The following PPP2R2B variants were observed in gnomAD, a reference collection of about 807,000 sequenced individuals.
PPP2R2B encodes protein phosphatase 2 regulatory subunit Bbeta.
PPP2R2B carries 5 observed loss-of-function variants against 46.0 expected under a neutral mutation model. The observed-to-expected ratio is 0.11, with a 90% CI of 0.06 to 0.23. The LOEUF (loss-of-function observed/expected upper bound fraction) is 0.23, where lower values mean the gene tolerates loss of function less well. Ranked by LOEUF, PPP2R2B falls within the 10% of genes least tolerant of loss-of-function variation. PPP2R2B has a pLI of 1.00. For missense variants in PPP2R2B, 367 were observed against 575.0 expected (o/e 0.64, Z 3.70); for synonymous variants, 215 against 206.7 (o/e 1.04, Z -0.34).
At chr5:146,859,634 A>T (rs545489829) in intron 2 of PPP2R2B, among the ~76,000 whole-genome samples, 2 of 152,352 alleles carry the variant, frequency 1.3e-5, no homozygotes, top group South Asian at 4.1e-4. Flanking sequence ...GAGGGAGTCA[A>T]GAGCCAGTAA....
intron 2 of PPP2R2B, among the ~76,000 whole-genome samples, chr5:147,069,785 G>GCTTTTTT (rs1757521827): frequency 1.5e-5 from 1 of 64,786 alleles, no homozygotes; most frequent in South Asian, 7.1e-4. Context: ...ATTTTATACT[G>GCTTTTTT]TTTTTTTTTT....
At chr5:146,606,615 C>T (rs1429837010) in intron 7 of PPP2R2B, among the ~76,000 whole-genome samples, 4 of 152,176 alleles carry the variant, frequency 2.6e-5, no homozygotes, top group Admixed American at 6.5e-5. Context: ...CAGAAGTAGG[C>T]ATTGCTTAAG....
At chr5:146,613,727 T>C (rs1363462102) in intron 7 of PPP2R2B, among the ~76,000 whole-genome samples, 4 of 135,192 alleles carry the variant, frequency 3.0e-5, no homozygotes, top group Non-Finnish European at 1.5e-5. Flanking sequence ...GAGAGCCAAA[T>C]CATGAGTGAA....
chr5:146,660,493 A>T (rs887738705), intron 5 of PPP2R2B, among the ~76,000 whole-genome samples: 3 of 152,090 alleles, frequency 2.0e-5, no homozygotes, highest in Non-Finnish European at 4.4e-5. Flanking sequence ...TCTTCCATGG[A>T]TCAATGGTGG....
intron 7 of PPP2R2B, among the ~76,000 whole-genome samples, chr5:146,634,214 T>C (rs2151073712): frequency 1.3e-5 from 2 of 152,314 alleles, no homozygotes; most frequent in South Asian, 2.1e-4. Context: ...CTGACCCTCC[T>C]GCAAGGGAAA....
intron 1 of PPP2R2B, among the ~76,000 whole-genome samples, chr5:147,016,799 G>C (rs571438969): frequency 6.6e-6 from 1 of 151,750 alleles, no homozygotes; most frequent in East Asian, 2.1e-4. Flanking sequence ...AAGGCAAGAA[G>C]ACTTGAAATC....
intron 2 of PPP2R2B, among the ~76,000 whole-genome samples, chr5:146,714,547 G>A (rs1780386231): frequency 6.6e-6 from 1 of 152,090 alleles, no homozygotes; most frequent in Non-Finnish European, 1.5e-5. Context: ...TGGAATTGCT[G>A]AATGAATAAA....
intron 2 of PPP2R2B, among the ~76,000 whole-genome samples, chr5:146,831,089 A>C (rs1210889235): frequency 1.3e-5 from 2 of 152,132 alleles, no homozygotes; most frequent in Non-Finnish European, 2.9e-5. Flanking sequence ...ACAGTATGTG[A>C]TACTCAATCA....
chr5:147,062,850 A>G (rs1026052169), intron 2 of PPP2R2B, among the ~76,000 whole-genome samples: 10 of 151,582 alleles, frequency 6.6e-5, no homozygotes, highest in Non-Finnish European at 1.3e-4. Flanking sequence ...CCACACACCT[A>G]CCTATCAATG....
At chr5:146,990,269 C>T (rs1411996798) in intron 1 of PPP2R2B, among the ~76,000 whole-genome samples, 1 of 151,800 alleles carries the variant, frequency 6.6e-6, no homozygotes, top group African/African-American at 2.4e-5. Flanking sequence ...CCCTGAATTA[C>T]CAAATAAATT....
intron 2 of PPP2R2B, among the ~76,000 whole-genome samples, chr5:146,837,374 A>G (rs1186284802): frequency 6.6e-6 from 1 of 152,232 alleles, no homozygotes; most frequent in African/African-American, 2.4e-5. Flanking sequence ...TTTTGACTTA[A>G]GATATTTTCA....
At chr5:146,627,527 G>A (rs567742986) in intron 7 of PPP2R2B, among the ~76,000 whole-genome samples, 1 of 152,250 alleles carries the variant, frequency 6.6e-6, no homozygotes, top group African/African-American at 2.4e-5. Context: ...GTCAGGCTGG[G>A]GAATCCAGCC....
intron 1 of PPP2R2B, among the ~76,000 whole-genome samples, chr5:146,975,305 A>T (rs1169900562): frequency 6.6e-6 from 1 of 152,150 alleles, no homozygotes; most frequent in African/African-American, 2.4e-5. Context: ...TATTTTCAAG[A>T]TCCATCCATG....
chr5:146,803,084 A>T (rs145226940), intron 2 of PPP2R2B, among the ~76,000 whole-genome samples: 1 of 152,204 alleles, frequency 6.6e-6, no homozygotes, highest in Admixed American at 6.5e-5. Flanking sequence ...TATGCTCCAA[A>T]TGCTACTTCT....
chr5:146,938,751 C>CT (rs33961672), intron 1 of PPP2R2B, among the ~76,000 whole-genome samples: 2,610 of 65,992 alleles, frequency 0.04, 759 homozygotes, highest in Non-Finnish European at 0.051. Context: ...AGATAATAGC[C>CT]TTTTTTTTTT....
intron 5 of PPP2R2B, among the ~76,000 whole-genome samples, chr5:146,670,494 T>C (rs1398264530): frequency 6.6e-6 from 1 of 150,856 alleles, no homozygotes; most frequent in Non-Finnish European, 1.5e-5. Context: ...TTTATTTATT[T>C]ATTTATTTAT....
intron 2 of PPP2R2B, chr5:146,856,487 T>C: frequency 6.4e-7 from 1 of 1,553,376 alleles, no homozygotes. Flanking sequence ...GTATAAATAA[T>C]AATACGAATA....
At chr5:146,621,153 A>G (rs58178462) in intron 7 of PPP2R2B, among the ~76,000 whole-genome samples, 1,956 of 152,302 alleles carry the variant, frequency 0.013, 47 homozygotes, top group African/African-American at 0.044. Flanking sequence ...CTGTCTTCTC[A>G]TGGATCAGGC....
upstream of PPP2R2B, among the ~76,000 whole-genome samples, chr5:147,058,184 A>G (rs1175248630): frequency 1.3e-5 from 2 of 152,208 alleles, no homozygotes; most frequent in East Asian, 3.8e-4. Flanking sequence ...GGATAAATCA[A>G]TATATATGGG....
Sources: allele counts gnomAD v4.1 joint callset (sites outside exome capture counted in the v4.1 genomes callset), GRCh38; gene constraint gnomAD v4.1.1; transcripts MANE v1.5; gene names NCBI Gene and HGNC (gene_info 2026-07-23, HGNC 2026-07-21).